METTL24: variants seen among roughly 807,000 people sequenced by gnomAD.
METTL24 encodes the protein probable methyltransferase-like protein 24.
In METTL24, 29 loss-of-function variants were observed where a neutral mutation model predicts 32.7. The observed-to-expected ratio is 0.89, with a 90% CI of 0.66 to 1.21. The LOEUF is 1.21. Ranked by LOEUF, METTL24 falls within the 50% of genes most tolerant of loss-of-function variation. METTL24 has a pLI of 0.00. For synonymous variants in METTL24, 163 were observed against 179.5 expected, an observed-to-expected ratio of 0.91 and a Z score of 0.73; for missense variants, 439 against 468.1, an observed-to-expected ratio of 0.94 and a Z score of 0.57.
At chr6:110,302,568 CATACACACACATATGTGTAT>C (rs1771546071) in intron 3 of METTL24, among the ~76,000 whole-genome samples, 1 of 95,948 alleles carries the variant, frequency 1.0e-5, no homozygotes, top group Non-Finnish European at 1.9e-5. Context: ...TATATACACA[CATACACACACATATGTGTAT>C]ATATACACAT....
At chr6:110,325,779 G>T (rs1772006940) in intron 1 of METTL24, among the ~76,000 whole-genome samples, 1 of 152,162 alleles carries the variant, frequency 6.6e-6, no homozygotes, top group South Asian at 2.1e-4. Context: ...CAAAGCAAAA[G>T]TTCTGCTAGC....
intron 1 of METTL24, among the ~76,000 whole-genome samples, chr6:110,327,682 T>C (rs1772039471): frequency 6.6e-6 from 1 of 152,250 alleles, no homozygotes. Flanking sequence ...TCATTTGTCT[T>C]AATTCTCTAG....
intron 4 of METTL24, among the ~76,000 whole-genome samples, chr6:110,295,839 A>C (rs138889582): frequency 6.7e-6 from 1 of 149,174 alleles, no homozygotes; most frequent in Non-Finnish European, 1.5e-5. Context: ...GGAAGGAAGG[A>C]AGGTTCTCTA....
intron 3 of METTL24, among the ~76,000 whole-genome samples, chr6:110,308,788 T>C (rs531240490): frequency 9.2e-5 from 14 of 152,336 alleles, no homozygotes; most frequent in African/African-American, 3.1e-4. Context: ...GAAGTACTGA[T>C]ACATGCTGCA....
At chr6:110,339,693 A>C (rs1167421813) in intron 1 of METTL24, among the ~76,000 whole-genome samples, 2 of 152,226 alleles carry the variant, frequency 1.3e-5, no homozygotes, top group Non-Finnish European at 2.9e-5. Context: ...GTTTTCAGTT[A>C]AAATAGATGG....
intron 1 of METTL24, among the ~76,000 whole-genome samples, chr6:110,324,826 T>A (rs1771990583): frequency 6.6e-6 from 1 of 152,184 alleles, no homozygotes; most frequent in South Asian, 2.1e-4. Flanking sequence ...CAAACAATAT[T>A]TATTGAGCCT....
intron 4 of METTL24, among the ~76,000 whole-genome samples, chr6:110,295,656 T>C (rs1193704937): frequency 1.3e-5 from 2 of 152,228 alleles, no homozygotes; most frequent in African/African-American, 4.8e-5. Flanking sequence ...AATAGTTCTC[T>C]ACAACCAAGT....
At chr6:110,263,633 G>A (rs566438827) in intron 4 of METTL24, among the ~76,000 whole-genome samples, 3 of 152,132 alleles carry the variant, frequency 2.0e-5, no homozygotes, top group Non-Finnish European at 2.9e-5. Flanking sequence ...TAAAGTTCAT[G>A]TGGAACCAAA....
In METTL24 at chr6:110,294,291, T is replaced by G. The variant is rs181499569; in HGVS notation, c.786+4631A>C. ...TTGAAATTTTTTGAAAATAAAAATA[T>G]GTAAAACTCCAGATAATAATAATGT... On this transcript the variant is annotated intron_variant, in intron 4 of 4. Coordinates refer to ENST00000338882, the MANE Select transcript of METTL24 (RefSeq NM_001123364.3). Among the ~76,000 whole-genome samples, 4 of 152,180 alleles carry G rather than the reference T, an allele frequency of 2.6e-5. No homozygotes were observed. The East Asian group carries it at 7.7e-4, about 29-fold the overall frequency.
intron 4 of METTL24, among the ~76,000 whole-genome samples, chr6:110,281,435 G>A (rs1175369677): frequency 2.0e-5 from 3 of 151,996 alleles, no homozygotes; most frequent in Non-Finnish European, 4.4e-5. Context: ...GAGATCAGAA[G>A]TTCGAGACCA....
intron 1 of METTL24, among the ~76,000 whole-genome samples, chr6:110,338,479 C>A (rs1167888159): frequency 6.6e-6 from 1 of 152,122 alleles, no homozygotes; most frequent in Non-Finnish European, 1.5e-5. Flanking sequence ...ACCTGGGCAA[C>A]AGAGCAAGAT....
At chr6:110,333,370 T>G (rs1335117345) in intron 1 of METTL24, among the ~76,000 whole-genome samples, 1 of 152,184 alleles carries the variant, frequency 6.6e-6, no homozygotes, top group Non-Finnish European at 1.5e-5. Context: ...GCCTTGAAAT[T>G]TTGTCTGTCG....
intron 2 of METTL24, among the ~76,000 whole-genome samples, chr6:110,321,054 T>A (rs1459710952): frequency 1.3e-5 from 2 of 152,058 alleles, no homozygotes; most frequent in African/African-American, 4.8e-5. Context: ...CTGGCCAACA[T>A]GGCAAAACCC....
chr6:110,259,040 C>T (rs141824777), intron 4 of METTL24, among the ~76,000 whole-genome samples: 3,978 of 152,184 alleles, frequency 0.026, 100 homozygotes, highest in Non-Finnish European at 0.039. Context: ...CCAGAGTGAG[C>T]GATGCAGATG....
intron 1 of METTL24, among the ~76,000 whole-genome samples, chr6:110,333,145 T>C (rs1772138553): frequency 6.6e-6 from 1 of 152,174 alleles, no homozygotes; most frequent in African/African-American, 2.4e-5. Context: ...CAATCTGCTA[T>C]GTTCATCGAC....
chr6:110,300,267 A>G (rs939621071), intron 3 of METTL24, among the ~76,000 whole-genome samples: 6 of 152,122 alleles, frequency 3.9e-5, no homozygotes, highest in African/African-American at 1.4e-4. Flanking sequence ...GTTGGTGGGG[A>G]GAGGGTGGCC....
intron 3 of METTL24, among the ~76,000 whole-genome samples, chr6:110,309,860 A>C (rs998757948): frequency 7.1e-6 from 1 of 140,408 alleles, no homozygotes; most frequent in East Asian, 2.0e-4. Context: ...TATTCTTAGG[A>C]GCAAAAAAAA....
chr6:110,334,196 G>A (rs778075488), intron 1 of METTL24, among the ~76,000 whole-genome samples: 25 of 152,226 alleles, frequency 1.6e-4, no homozygotes, highest in African/African-American at 3.4e-4. Flanking sequence ...AGGGCTCCCC[G>A]AGGTCTCTTT....
chr6:110,274,085 G>C (rs1771003215), intron 4 of METTL24, among the ~76,000 whole-genome samples: 2 of 152,164 alleles, frequency 1.3e-5, no homozygotes, highest in Admixed American at 6.5e-5. Context: ...AACCTGGATG[G>C]AGTTGGAGCC....
Sources: gnomAD v4.1 joint callset for allele counts (sites outside exome capture counted in the v4.1 genomes callset) on GRCh38, gnomAD v4.1.1 for gene constraint, MANE v1.5 for transcripts, NCBI Gene and HGNC (gene_info 2026-07-23, HGNC 2026-07-21) for gene names.